EFNA5: variants seen among roughly 807,000 people sequenced by gnomAD.
The protein encoded by EFNA5 is ephrin A5.
EFNA5 carries 5 observed loss-of-function variants against 22.9 expected under a neutral mutation model. The observed-to-expected ratio is 0.22, with a 90% CI of 0.11 to 0.46. The LOEUF is 0.46. EFNA5 is among the 20% of genes least tolerant of loss of function. The pLI is 0.99. For missense variants in EFNA5, 237 were observed against 293.3 expected (o/e 0.81, Z 1.40); for synonymous variants, 113 against 112.2 (o/e 1.01, Z -0.04).
At chr5:107,486,435 A>T (rs549273837) in intron 1 of EFNA5, among the ~76,000 whole-genome samples, 20 of 151,676 alleles carry the variant, frequency 1.3e-4, no homozygotes, top group South Asian at 1.0e-3. Flanking sequence ...TGATAATTCT[A>T]AAAAAAAATG....
chr5:107,482,798 C>T (rs1213146386), intron 1 of EFNA5, among the ~76,000 whole-genome samples: 1 of 87,100 alleles, frequency 1.1e-5, no homozygotes, highest in Admixed American at 1.2e-4. Context: ...TTTGGCTGCT[C>T]TCTCTCTCTC....
chr5:107,592,944 C>G (rs982711982), intron 1 of EFNA5, among the ~76,000 whole-genome samples: 3 of 152,092 alleles, frequency 2.0e-5, no homozygotes, highest in Non-Finnish European at 4.4e-5. Flanking sequence ...TTCTAAATAG[C>G]CATGAGGAAG....
intron 1 of EFNA5, among the ~76,000 whole-genome samples, chr5:107,476,057 T>TATATATATATGTA: frequency 2.0e-5 from 2 of 100,422 alleles, no homozygotes; most frequent in Admixed American, 1.1e-4. Flanking sequence ...TATATATATA[T>TATATATATATGTA]TTTTTTTTTT....
chr5:107,494,253 G>A (rs1375938300), intron 1 of EFNA5, among the ~76,000 whole-genome samples: 1 of 152,142 alleles, frequency 6.6e-6, no homozygotes, highest in Non-Finnish European at 1.5e-5. Flanking sequence ...TGGAGGCGGA[G>A]GCGTGAGCTG....
intron 3 of EFNA5, among the ~76,000 whole-genome samples, 181 bp downstream of exon 3, chr5:107,387,525 A>G (rs1747660466): frequency 6.6e-6 from 1 of 152,238 alleles, no homozygotes; most frequent in Non-Finnish European, 1.5e-5. Flanking sequence ...TGTGTACTTA[A>G]GTAAAAGCAT....
At chr5:107,631,619 T>C (rs955638756) in intron 1 of EFNA5, among the ~76,000 whole-genome samples, 5 of 152,150 alleles carry the variant, frequency 3.3e-5, no homozygotes, top group African/African-American at 7.2e-5. Flanking sequence ...TTTTGAGATG[T>C]AGACATGTTT....
At chr5:107,426,203 T>C (rs77035675) in intron 2 of EFNA5, among the ~76,000 whole-genome samples, 1 of 152,356 alleles carries the variant, frequency 6.6e-6, no homozygotes, top group Non-Finnish European at 1.5e-5. Context: ...AATAAATGTA[T>C]TTTTTAACAA....
Position 107,583,262 on chromosome 5 carries a change from C to T in EFNA5, c.125+87227G>A, listed in dbSNP as rs552523333. ...AAATAGAGCATCCTAAGAGAATGTC[C>T]AAATAAGTCTGGCTAAATTTAAAAC... On this transcript the variant is annotated intron_variant, in intron 1 of 4. Transcript: ENST00000333274. Among the ~76,000 whole-genome samples, 1,035 of 152,074 alleles carry T rather than the reference C, an allele frequency of 6.8e-3. 8 individuals carry two copies. Among genetic ancestry groups the T allele is most frequent in the Non-Finnish European group, 7.5e-3 (508 of 67,976 alleles).
At chr5:107,431,441 T>G (rs141382733) in intron 1 of EFNA5, among the ~76,000 whole-genome samples, 3 of 152,324 alleles carry the variant, frequency 2.0e-5, no homozygotes, top group Admixed American at 1.3e-4. Flanking sequence ...TGGCTAATAT[T>G]AGAGTGCTTA....
At chr5:107,632,087 TA>T (rs1464621440) in intron 1 of EFNA5, among the ~76,000 whole-genome samples, 2 of 152,250 alleles carry the variant, frequency 1.3e-5, no homozygotes, top group African/African-American at 4.8e-5. Flanking sequence ...ACCAGCATTT[TA>T]TAAACAACTG....
At chr5:107,472,714 C>T (rs940038619) in intron 1 of EFNA5, among the ~76,000 whole-genome samples, 1 of 152,196 alleles carries the variant, frequency 6.6e-6, no homozygotes, top group Non-Finnish European at 1.5e-5. Context: ...TTAGAGACAT[C>T]TGCAGCACAG....
intron 1 of EFNA5, among the ~76,000 whole-genome samples, chr5:107,450,166 G>A (rs939010573): frequency 1.3e-5 from 2 of 152,184 alleles, no homozygotes; most frequent in African/African-American, 2.4e-5. Context: ...GGAGTTGTGA[G>A]AGAGGGAACG....
intron 1 of EFNA5, among the ~76,000 whole-genome samples, chr5:107,589,473 T>C (rs909583699): frequency 2.6e-5 from 4 of 152,010 alleles, no homozygotes; most frequent in East Asian, 1.9e-4. Flanking sequence ...TATAAACATA[T>C]ATACACACAC....
At chr5:107,657,553 T>C (rs1750855777) in intron 1 of EFNA5, among the ~76,000 whole-genome samples, 1 of 152,158 alleles carries the variant, frequency 6.6e-6, no homozygotes, top group South Asian at 2.1e-4. Flanking sequence ...AATGTTCTAA[T>C]TAAAGCCATT....
At chr5:107,660,279 T>TATATATATATATATATATATATAA (rs2112559943) in intron 1 of EFNA5, among the ~76,000 whole-genome samples, 1 of 47,856 alleles carries the variant, frequency 2.1e-5, no homozygotes, top group East Asian at 2.2e-3. Flanking sequence ...TATATATATA[T>TATATATATATATATATATATATAA]ATATATATAT....
Position 107,438,075 on chromosome 5 carries a change from C to T in EFNA5, c.126-10566G>A, listed in dbSNP as rs534297989. 1.2e-4 allele frequency among the ~76,000 whole-genome samples: 19 copies of T among 152,336 alleles called. No individual in the cohort carries two copies. The South Asian group carries it at 3.9e-3, about 32-fold the overall frequency. On this transcript the variant is annotated intron_variant, in intron 1 of 4. Coordinates refer to ENST00000333274, the MANE Select transcript of EFNA5 (RefSeq NM_001962.3). ...ATGATAATTACACGTCTTTGCTATG[C>T]TACAGCTGATCAAAATAAGATGTGG...
At chr5:107,512,364 AAACAACAACAAC>A (rs138250906) in intron 1 of EFNA5, among the ~76,000 whole-genome samples, 3 of 149,376 alleles carry the variant, frequency 2.0e-5, no homozygotes, top group Admixed American at 6.6e-5. Context: ...AAAACAAACA[AAACAACAACAAC>A]AACAACAACA....
At chr5:107,650,868 G>A (rs1302676643) in intron 1 of EFNA5, among the ~76,000 whole-genome samples, 1 of 152,282 alleles carries the variant, frequency 6.6e-6, no homozygotes, top group Non-Finnish European at 1.5e-5. Flanking sequence ...TATACAGATT[G>A]TACATACACA....
chr5:107,417,885 G>A (rs1748543833), intron 2 of EFNA5, among the ~76,000 whole-genome samples: 1 of 152,156 alleles, frequency 6.6e-6, no homozygotes, highest in Non-Finnish European at 1.5e-5. Flanking sequence ...TGACCATTTG[G>A]TGAAAATAGA....
Sources: gnomAD v4.1 joint callset for allele counts (sites outside exome capture counted in the v4.1 genomes callset) on GRCh38, gnomAD v4.1.1 for gene constraint, MANE v1.5 for transcripts, NCBI Gene and HGNC (gene_info 2026-07-23, HGNC 2026-07-21) for gene names.